Variants in MLIP observed in about 807,000 individuals in gnomAD.
MLIP encodes muscular LMNA-interacting protein.
In MLIP, 79 loss-of-function variants were observed where a neutral mutation model predicts 84.8. The observed-to-expected ratio is 0.93, with a 90% CI of 0.78 to 1.12. The LOEUF (loss-of-function observed/expected upper bound fraction) is 1.12, where lower values mean the gene tolerates loss of function less well. Ranked by LOEUF, MLIP falls within the 50% of genes most tolerant of loss-of-function variation. The pLI is 0.00. For missense variants in MLIP, 1,257 were observed against 1,160.6 expected, an observed-to-expected ratio of 1.08 and a Z score of -1.21; for synonymous variants, 504 against 463.0, an observed-to-expected ratio of 1.09 and a Z score of -1.14.
intron 1 of MLIP, chr6:54,079,383 A>G (rs1380281925): frequency 6.6e-6 from 1 of 152,178 alleles, no homozygotes; most frequent in Admixed American, 6.5e-5. Context: ...TGTTTTCTTA[A>G]TTTATGATGG....
At chr6:54,182,089 G>A (rs1776931445) in intron 9 of MLIP, among the ~76,000 whole-genome samples, 1 of 152,170 alleles carries the variant, frequency 6.6e-6, no homozygotes, top group South Asian at 2.1e-4. Context: ...AGTTGCCTAG[G>A]AATTGCAGTC....
At chr6:54,152,208 G>T (rs1470710376) in intron 5 of MLIP, among the ~76,000 whole-genome samples, 1 of 152,052 alleles carries the variant, frequency 6.6e-6, no homozygotes, top group African/African-American at 2.4e-5. Flanking sequence ...AATGACATGA[G>T]GATGAAATGC....
intron 11 of MLIP, among the ~76,000 whole-genome samples, chr6:54,224,137 G>A (rs1052898536): frequency 8.6e-5 from 13 of 151,916 alleles, no homozygotes; most frequent in African/African-American, 2.7e-4. Flanking sequence ...TAGCTAGAAA[G>A]CAGAACAGTT....
intron 13 of MLIP, among the ~76,000 whole-genome samples, chr6:54,261,229 T>G (rs1433801233): frequency 6.6e-6 from 1 of 152,058 alleles, no homozygotes; most frequent in African/African-American, 2.4e-5. Flanking sequence ...AACCACTCCA[T>G]AAACTACTTC....
At chr6:54,123,369 G>A (rs921386148) in intron 2 of MLIP, among the ~76,000 whole-genome samples, 4 of 152,140 alleles carry the variant, frequency 2.6e-5, no homozygotes, top group African/African-American at 9.7e-5. Context: ...AAAAAAGTAT[G>A]TAATAAAATC....
At chr6:54,119,583 A>G (rs1355483179) in intron 1 of MLIP, among the ~76,000 whole-genome samples, 1 of 152,192 alleles carries the variant, frequency 6.6e-6, no homozygotes, top group Non-Finnish European at 1.5e-5. Context: ...AATATATATA[A>G]TTACAGTTAG....
intron 1 of MLIP, among the ~76,000 whole-genome samples, chr6:54,096,953 TA>T (rs749752155): frequency 1.3e-5 from 2 of 152,072 alleles, no homozygotes; most frequent in Middle Eastern, 3.4e-3. Flanking sequence ...ACTCCTGACC[TA>T]AGATAGTGGA....
intron 5 of MLIP, among the ~76,000 whole-genome samples, chr6:54,152,914 G>A (rs1399690149): frequency 6.6e-6 from 1 of 152,034 alleles, no homozygotes; most frequent in African/African-American, 2.4e-5. Context: ...CATCTTTATT[G>A]TCTTACCAAT....
chr6:54,093,444 T>C (rs2150375678), intron 1 of MLIP, among the ~76,000 whole-genome samples: 1 of 151,930 alleles, frequency 6.6e-6, no homozygotes, highest in Non-Finnish European at 1.5e-5. Context: ...TCACTGATAG[T>C]CATGACTTGT....
At chr6:54,123,994 A>G (rs1373551701) in intron 2 of MLIP, among the ~76,000 whole-genome samples, 4 of 152,174 alleles carry the variant, frequency 2.6e-5, no homozygotes, top group Non-Finnish European at 1.5e-5. Flanking sequence ...TTGTCTGACT[A>G]TGCATTTTGC....
rs568620201 is a variant in MLIP, at chr6:54,252,260, CAT to C, written c.2923-5044_2923-5043del. On this transcript the variant is annotated intron_variant, in intron 12 of 13. Coordinates refer to ENST00000502396, the MANE Select transcript of MLIP (RefSeq NM_001281747.2). ...AATATATAAGTATAATATATTATAA[CAT>C]ATAATATATAATATAACTATAATAT... is the stretch of plus-strand genomic sequence containing the variant. Among the ~76,000 whole-genome samples, 578 of 110,106 alleles carry C rather than the reference CAT, an allele frequency of 5.2e-3. 15 individuals are homozygous for C. Among genetic ancestry groups the C allele is most frequent in the African/African-American group, 0.02 (533 of 26,152 alleles). The allele number at this position is 110,106 out of a possible 152,430, so 72.2% of individuals were successfully genotyped here. A position where few individuals can be genotyped will look rare whatever the true frequency, so the allele number is the denominator to read the frequency against.
intron 1 of MLIP, among the ~76,000 whole-genome samples, chr6:54,069,504 T>C (rs1435191955): frequency 1.0e-5 from 1 of 100,088 alleles, no homozygotes; most frequent in African/African-American, 2.6e-5. Flanking sequence ...TCTGAGGATG[T>C]TCAAGTCCCT....
intron 12 of MLIP, among the ~76,000 whole-genome samples, chr6:54,242,732 A>G (rs1781820409): frequency 6.6e-6 from 1 of 152,168 alleles, no homozygotes; most frequent in African/African-American, 2.4e-5. Flanking sequence ...TTTTATGAGT[A>G]TATGTTAAGA....
At chr6:54,167,781 T>C (rs1775345038) in intron 8 of MLIP, among the ~76,000 whole-genome samples, 1 of 151,886 alleles carries the variant, frequency 6.6e-6, no homozygotes, top group East Asian at 1.9e-4. Context: ...TCTGAGATTA[T>C]TTTTTCTAGA....
intron 1 of MLIP, among the ~76,000 whole-genome samples, chr6:54,117,963 A>AG (rs1770098668): frequency 7.8e-6 from 1 of 128,826 alleles, no homozygotes; most frequent in Non-Finnish European, 1.6e-5. Flanking sequence ...AACAACAACA[A>AG]CAACAGCAAC....
At chr6:54,197,841 A>T (rs2150701642) in intron 10 of MLIP, among the ~76,000 whole-genome samples, 1 of 152,278 alleles carries the variant, frequency 6.6e-6, no homozygotes, top group East Asian at 1.9e-4. Flanking sequence ...CTAACTTGAT[A>T]GATCTAATTT....
At chr6:54,089,218 G>T (rs766258225) in intron 1 of MLIP, among the ~76,000 whole-genome samples, 2 of 151,920 alleles carry the variant, frequency 1.3e-5, no homozygotes, top group Non-Finnish European at 2.9e-5. Flanking sequence ...AGCCATGCTG[G>T]GTTACATAGC....
chr6:54,205,169 G>A (rs1228987231), intron 11 of MLIP, among the ~76,000 whole-genome samples: 1 of 152,194 alleles, frequency 6.6e-6, no homozygotes, highest in Admixed American at 6.5e-5. Flanking sequence ...AAGGGTAGAT[G>A]CTTACGTCTG....
At chr6:54,026,185 G>A (rs894320958) in intron 1 of MLIP, among the ~76,000 whole-genome samples, 7 of 152,090 alleles carry the variant, frequency 4.6e-5, no homozygotes, top group South Asian at 2.1e-4. Context: ...AGACATTTCC[G>A]AGATGTCAAT....
Sources: allele counts gnomAD v4.1 joint callset (sites outside exome capture counted in the v4.1 genomes callset), GRCh38; gene constraint gnomAD v4.1.1; transcripts MANE v1.5; gene names NCBI Gene and HGNC (gene_info 2026-07-23, HGNC 2026-07-21).